The following PHEX variants were observed in gnomAD, a reference collection of about 807,000 sequenced individuals.
PHEX encodes phosphate regulating endopeptidase X-linked, also known as phosphate-regulating neutral endopeptidase PHEX.
PHEX carries 16 observed loss-of-function variants against 68.0 expected under a neutral mutation model. The observed-to-expected ratio is 0.24, with a 90% CI of 0.16 to 0.36. The LOEUF is 0.36. Ranked by LOEUF, PHEX falls within the 10% of genes least tolerant of loss-of-function variation. The pLI, the probability that PHEX is intolerant of heterozygous loss-of-function variation, is 1.00. For synonymous variants in PHEX, 208 were observed against 205.1 expected, an observed-to-expected ratio of 1.01 and a Z score of -0.12; for missense variants, 480 against 575.5, an observed-to-expected ratio of 0.83 and a Z score of 1.70.
At chrX:22,131,311 G>C (rs991420561) in intron 11 of PHEX, among the ~76,000 whole-genome samples, 2 of 112,277 alleles carry the variant, frequency 1.8e-5, no homozygotes, top group African/African-American at 6.5e-5. Flanking sequence ...AAAGTGCTGG[G>C]ATTACAGGTA....
At chrX:22,054,753 T>C (rs2146995639) in intron 3 of PHEX, among the ~76,000 whole-genome samples, 1 of 111,479 alleles carries the variant, frequency 9.0e-6, no homozygotes, top group South Asian at 3.8e-4. Context: ...TTGAAGACTT[T>C]TGGAATGTGA....
intron 20 of PHEX, among the ~76,000 whole-genome samples, chrX:22,240,603 A>G (rs957393906): frequency 7.3e-5 from 8 of 110,224 alleles, no homozygotes; most frequent in African/African-American, 2.7e-4. Flanking sequence ...AGAGGTTGCA[A>G]TCCTAGTCTC....
chrX:22,202,873 C>T (rs1317408866), intron 15 of PHEX, among the ~76,000 whole-genome samples: 1 of 111,763 alleles, frequency 8.9e-6, no homozygotes, highest in East Asian at 2.8e-4. Context: ...TCTCAAAGTG[C>T]GGTCCCTGGA....
intron 5 of PHEX, among the ~76,000 whole-genome samples, chrX:22,087,369 G>T (rs1023307128): frequency 7.2e-5 from 8 of 111,824 alleles, no homozygotes; most frequent in African/African-American, 2.3e-4. Flanking sequence ...AGCCAGGAAG[G>T]CTTGTGACTT....
intron 20 of PHEX, 112 bp downstream of exon 20, chrX:22,227,723 C>A (rs182267127): frequency 1.9e-5 from 10 of 530,314 alleles, no homozygotes; most frequent in African/African-American, 1.8e-4. Context: ...TGATTTTCAG[C>A]AAAAATGTTA....
chrX:22,204,316 G>A (rs1405438854), intron 15 of PHEX, among the ~76,000 whole-genome samples: 1 of 111,738 alleles, frequency 8.9e-6, no homozygotes, highest in Admixed American at 9.5e-5. Context: ...AACCACATCT[G>A]TCACCCATTA....
chrX:22,240,935 C>T lies in PHEX; in HGVS notation c.2071-4398C>T, dbSNP rs1343500764. Among the ~76,000 whole-genome samples the T allele has an allele frequency of 3.6e-5, 4 of 112,257 alleles. No individual in the cohort carries two copies. In the South Asian group the frequency reaches 1.5e-3, roughly 42 times the overall value. Reference sequence around the variant, plus strand: ...ACCAAGTGGACCTAACAGGCATCTACAGAACTGTCCATCCCAAATCAAATC... The same window carrying T: ...ACCAAGTGGACCTAACAGGCATCTATAGAACTGTCCATCCCAAATCAAATC... On this transcript the variant is annotated intron_variant, in intron 20 of 21. Transcript: ENST00000379374.
chrX:22,082,766 A>C (rs897566787), intron 5 of PHEX, among the ~76,000 whole-genome samples: 1 of 112,010 alleles, frequency 8.9e-6, no homozygotes, highest in African/African-American at 3.2e-5. Context: ...GGGCATCTTC[A>C]TCATGGAATC....
At chrX:22,170,054 T>C (rs1476341360) in intron 13 of PHEX, among the ~76,000 whole-genome samples, 6 of 112,260 alleles carry the variant, frequency 5.3e-5, no homozygotes, top group Non-Finnish European at 1.1e-4. Flanking sequence ...TGATCCTTAA[T>C]AGAAATAGAC....
At chrX:22,046,143 G>A (rs2044822477) in intron 2 of PHEX, among the ~76,000 whole-genome samples, 1 of 112,096 alleles carries the variant, frequency 8.9e-6, no homozygotes, top group Admixed American at 9.5e-5. Flanking sequence ...GATGGCCTCA[G>A]TCAATGCCTG....
chrX:22,135,302 A>G (rs190681054), intron 12 of PHEX, among the ~76,000 whole-genome samples: 17 of 112,104 alleles, frequency 1.5e-4, no homozygotes, highest in Non-Finnish European at 3.0e-4. Context: ...CAACACCAAC[A>G]TATTGTTGTT....
chrX:22,102,715 G>A (rs1930484607), intron 9 of PHEX, among the ~76,000 whole-genome samples: 1 of 112,671 alleles, frequency 8.9e-6, no homozygotes, highest in African/African-American at 3.2e-5. Flanking sequence ...TGGAACCAAT[G>A]TGAACTTGGG....
intron 18 of PHEX, among the ~76,000 whole-genome samples, chrX:22,223,358 A>G (rs1311277356): frequency 9.0e-6 from 1 of 110,891 alleles, no homozygotes; most frequent in African/African-American, 3.3e-5. Flanking sequence ...TTGGGAGTCC[A>G]AACCTAGGGC....
At chrX:22,074,238 T>C (rs1485666308) in intron 3 of PHEX, among the ~76,000 whole-genome samples, 1 of 109,836 alleles carries the variant, frequency 9.1e-6, no homozygotes, top group Non-Finnish European at 1.9e-5. Context: ...GTCAACTGAT[T>C]GCCACATCAC....
chrX:22,158,579 A>C (rs767950221), intron 12 of PHEX, among the ~76,000 whole-genome samples: 2 of 112,451 alleles, frequency 1.8e-5, no homozygotes, highest in Non-Finnish European at 3.7e-5. Context: ...TAAATAGCCA[A>C]GTCAGTGGGG....
intron 5 of PHEX, among the ~76,000 whole-genome samples, chrX:22,089,582 G>C (rs1235277011): frequency 9.2e-6 from 1 of 108,905 alleles, no homozygotes; most frequent in African/African-American, 3.3e-5. Context: ...TACCATACCT[G>C]GCTAATTTTT....
At position 22,238,069 on chromosome X, in the gene PHEX, G is replaced by GAGTT. The variant is rs375884603; in HGVS notation, c.2071-7255_2071-7252dup. Among the ~76,000 whole-genome samples, 439 of 112,112 alleles carry GAGTT rather than the reference G, an allele frequency of 3.9e-3. 2 individuals are homozygous for GAGTT. Among genetic ancestry groups the GAGTT allele is most frequent in the African/African-American group, 0.013 (407 of 30,881 alleles). ...AGGCGGGTGGATTGCCTGAGGTGAG[G>GAGTT]AGTTAGTTAGTTTGAGACCAGCCTG... is the stretch of plus-strand genomic sequence containing the variant. On this transcript the variant is annotated intron_variant, in intron 20 of 21. Coordinates refer to ENST00000379374, the MANE Select transcript of PHEX (RefSeq NM_000444.6).
intron 12 of PHEX, among the ~76,000 whole-genome samples, chrX:22,167,444 T>C (rs1400583065): frequency 2.7e-5 from 3 of 111,024 alleles, no homozygotes; most frequent in African/African-American, 9.8e-5. Context: ...TGTCTTCTTT[T>C]GAGAAATGTA....
chrX:22,138,861 G>A (rs892515542), intron 12 of PHEX, among the ~76,000 whole-genome samples: 3 of 111,796 alleles, frequency 2.7e-5, no homozygotes, highest in African/African-American at 6.5e-5. Context: ...CATGGAAACC[G>A]CGGGCTGTGG....
Sources: allele counts gnomAD v4.1 joint callset (sites outside exome capture counted in the v4.1 genomes callset), GRCh38; gene constraint gnomAD v4.1.1; transcripts MANE v1.5; gene names NCBI Gene and HGNC (gene_info 2026-07-23, HGNC 2026-07-21).